Variants in DOCK7 observed in about 807,000 individuals in gnomAD.
DOCK7 encodes the protein dedicator of cytokinesis protein 7.
In DOCK7, 138 loss-of-function variants were observed where a neutral mutation model predicts 271.0. The observed-to-expected ratio is 0.51, with a 90% CI of 0.44 to 0.59. The LOEUF (loss-of-function observed/expected upper bound fraction) is 0.59, where lower values mean the gene tolerates loss of function less well. Ranked by LOEUF, DOCK7 falls within the 20% of genes least tolerant of loss-of-function variation. DOCK7 has a pLI of 0.00. For synonymous variants in DOCK7, 823 were observed against 876.1 expected (o/e 0.94, Z 1.07); for missense variants, 2,066 against 2,592.4 (o/e 0.80, Z 4.41).
intron 17 of DOCK7, 98 bp downstream of exon 17, chr1:62,578,730 A>AAC: frequency 1.2e-5 from 12 of 1,013,900 alleles, no homozygotes; most frequent in Non-Finnish European, 1.6e-5. Context: ...AAAAAAAAAA[A>AAC]AAAAAAAAAC....
In DOCK7 at chr1:62,485,336, T is replaced by C. The variant is rs189235439; in HGVS notation, c.5508+2062A>G. On this transcript the variant is annotated intron_variant, in intron 43 of 49. Transcript: ENST00000635253. Reference sequence around the variant, plus strand: ...TTACTGAAATACTAAGTTTTAGAGTTATCTTTCACACACACACACACACAC... The same window carrying C: ...TTACTGAAATACTAAGTTTTAGAGTCATCTTTCACACACACACACACACAC... 10 of 985,262 alleles carry C rather than the reference T, an allele frequency of 1.0e-5. No homozygotes were observed. The East Asian group carries it at 7.9e-4, about 78-fold the overall frequency. The allele number at this position is 985,262 out of a possible 1,614,324, so 61.0% of individuals were successfully genotyped here. A position where few individuals can be genotyped will look rare whatever the true frequency, so the allele number is the denominator to read the frequency against.
intron 14 of DOCK7, chr1:62,604,797 G>C (rs1412317203): frequency 1.2e-6 from 2 of 1,612,834 alleles, no homozygotes; most frequent in Non-Finnish European, 1.7e-6. Context: ...CCATCCAACA[G>C]ATTCAGAAAG....
At chr1:62,494,142 A>T in intron 40 of DOCK7, 133 bp downstream of exon 40, 1 of 718,042 alleles carries the variant, frequency 1.4e-6, no homozygotes, top group Non-Finnish European at 2.1e-6. Context: ...GTGAAATGTT[A>T]ATTCACCTTG....
intron 48 of DOCK7, among the ~76,000 whole-genome samples, chr1:62,460,629 AC>A (rs1645494994): frequency 6.7e-6 from 1 of 149,942 alleles, no homozygotes; most frequent in Admixed American, 6.7e-5. Flanking sequence ...ACACACACAC[AC>A]ACACACACAC....
At chr1:62,678,699 A>AT (rs1428510023) in intron 1 of DOCK7, among the ~76,000 whole-genome samples, 2 of 151,572 alleles carry the variant, frequency 1.3e-5, no homozygotes, top group Non-Finnish European at 2.9e-5. Flanking sequence ...AGCAGTCAAG[A>AT]TTTTTTTTTA....
Position 62,513,839 on chromosome 1 carries a change from T to A in DOCK7, c.3996A>T (p.Leu1332=). 2.5e-6 allele frequency: 4 copies of A among 1,614,116 alleles called. No homozygotes were observed. Among genetic ancestry groups the A allele is most frequent in the Non-Finnish European group, 2.5e-6 (3 of 1,179,990 alleles). Residue 1332 remains leucine, a synonymous_variant, in exon 32 of 50, where the codon CTA becomes CTT. Coordinates refer to ENST00000635253, the MANE Select transcript of DOCK7 (RefSeq NM_001367561.1). ...AESSRSLLIC[L]LWVLKNADET... ...CATCTGCATTTTTGAGAACCCAAAG[T>A]AGACAGATCAAAAGGCTTCGACTTG... is the stretch of plus-strand genomic sequence containing the variant.
chr1:62,475,165 T>C (rs1324795006), intron 47 of DOCK7, 43 bp downstream of exon 47: 2 of 1,559,340 alleles, frequency 1.3e-6, no homozygotes, highest in Non-Finnish European at 8.7e-7. Flanking sequence ...TCCCAAATCG[T>C]ATTTACAGCT....
chr1:62,456,747 C>G (rs1043014804), intron 49 of DOCK7, among the ~76,000 whole-genome samples: 1 of 151,864 alleles, frequency 6.6e-6, no homozygotes, highest in African/African-American at 2.4e-5. Context: ...TCTCAGGGAC[C>G]CAGCACCCTG....
chr1:62,466,449 C>T (rs77907749), intron 48 of DOCK7, among the ~76,000 whole-genome samples: 19,486 of 152,194 alleles, frequency 0.13, 1,334 homozygotes, highest in South Asian at 0.25. Flanking sequence ...GGTTGAACAA[C>T]AAAAAGGTCT....
chr1:62,541,635 A>G (rs1272117073), intron 25 of DOCK7, among the ~76,000 whole-genome samples: 4 of 152,152 alleles, frequency 2.6e-5, no homozygotes, highest in African/African-American at 9.7e-5. Context: ...AACACAGTAT[A>G]TAATATGAAT....
At chr1:62,584,606 G>A (rs1464626847) in intron 15 of DOCK7, 1 of 1,271,166 alleles carries the variant, frequency 7.9e-7, no homozygotes, top group East Asian at 3.2e-5. Flanking sequence ...AAAGCAGACA[G>A]TGTTCCTTTT....
chr1:62,641,591 C>T (rs1382562270), intron 7 of DOCK7: 4 of 472,932 alleles, frequency 8.5e-6, no homozygotes, highest in South Asian at 6.2e-5. Flanking sequence ...GTAGAAATTG[C>T]CAGAAATGTG....
chr1:62,604,775 CA>C, intron 14 of DOCK7: 1 of 1,612,934 alleles, frequency 6.2e-7, no homozygotes, highest in Non-Finnish European at 8.5e-7. Flanking sequence ...TAAAATCAAC[CA>C]AAATGTTGAT....
intron 2 of DOCK7, among the ~76,000 whole-genome samples, chr1:62,654,735 T>C (rs1025870697): frequency 6.6e-6 from 1 of 152,236 alleles, no homozygotes; most frequent in Non-Finnish European, 1.5e-5. Context: ...GGGAGTATTA[T>C]GCTGGATTAT....
At chr1:62,620,626 A>G (rs1653068848) in intron 12 of DOCK7, among the ~76,000 whole-genome samples, 1 of 151,920 alleles carries the variant, frequency 6.6e-6, no homozygotes, top group South Asian at 2.1e-4. Context: ...CACGCCTGTA[A>G]TCCCAGCACT....
At chr1:62,604,257 A>G (rs1259000958) in intron 14 of DOCK7, 1 of 1,611,704 alleles carries the variant, frequency 6.2e-7, no homozygotes, top group Non-Finnish European at 8.5e-7. Flanking sequence ...TGATACCAAT[A>G]CTTTATTTTC....
intron 14 of DOCK7, among the ~76,000 whole-genome samples, chr1:62,615,829 C>T (rs927263052): frequency 1.3e-5 from 2 of 151,666 alleles, no homozygotes; most frequent in African/African-American, 4.8e-5. Context: ...AAACTAAAGG[C>T]ACTGAGATAC....
intron 48 of DOCK7, among the ~76,000 whole-genome samples, chr1:62,461,672 AAAAATAAATAAAAT>A (rs920280424): frequency 7.1e-6 from 1 of 141,754 alleles, no homozygotes; most frequent in African/African-American, 2.8e-5. Context: ...CCCCATCTCA[AAAAATAAATAAAAT>A]AAAATAAAAT....
intron 2 of DOCK7, among the ~76,000 whole-genome samples, chr1:62,657,789 G>A (rs1658203724): frequency 6.6e-6 from 1 of 151,680 alleles, no homozygotes; most frequent in African/African-American, 2.4e-5. Flanking sequence ...CAGAAAAGAG[G>A]GGACAGAGGA....
Sources: gnomAD v4.1 joint callset for allele counts (sites outside exome capture counted in the v4.1 genomes callset) on GRCh38, gnomAD v4.1.1 for gene constraint, MANE v1.5 for transcripts, NCBI Gene and HGNC (gene_info 2026-07-23, HGNC 2026-07-21) for gene names.